LRP2BP: variants seen among roughly 807,000 people sequenced by gnomAD.
LRP2BP encodes LRP2-binding protein.
LRP2BP carries 38 observed loss-of-function variants against 45.2 expected under a neutral mutation model. The ratio of observed to expected loss-of-function variants is 0.84; its 90% CI spans 0.65 to 1.10. LRP2BP has a LOEUF of 1.10. LRP2BP is among the 50% of genes least tolerant of loss of function. The pLI is 0.00. For missense variants in LRP2BP, 385 were observed against 418.9 expected (o/e 0.92, Z 0.71); for synonymous variants, 153 against 153.9 (o/e 0.99, Z 0.04).
intron 8 of LRP2BP, among the ~76,000 whole-genome samples, chr4:185,369,285 C>T (rs2095406306): frequency 8.3e-6 from 1 of 120,286 alleles, no homozygotes; most frequent in Non-Finnish European, 1.6e-5. Flanking sequence ...GTGGTGTGAT[C>T]TCGGCTCACT....
chr4:185,393,652 AG>A (rs2095494177), intron 1 of LRP2BP, among the ~76,000 whole-genome samples: 1 of 151,746 alleles, frequency 6.6e-6, no homozygotes, highest in Non-Finnish European at 1.5e-5. Context: ...CAGCCTCCGG[AG>A]TAACTGGGAT....
At position 185,395,010 on chromosome 4, in the gene LRP2BP, T is replaced by C. The variant is rs143256695; in HGVS notation, c.-253A>G. ...TCCCCCAAATGTACTTATCCTGTTT[T>C]TGTGCATTATAAGCTTTGTTCAGTT... On this transcript the variant is annotated 5_prime_UTR_variant, in exon 1 of 9. Coordinates refer to ENST00000505916, the MANE Select transcript of LRP2BP (RefSeq NM_001377440.1). 93 of 985,488 alleles carry C rather than the reference T, an allele frequency of 9.4e-5. No homozygotes were observed. In the African/African-American group the frequency reaches 1.6e-3, roughly 17 times the overall value. 61.0% of individuals were successfully genotyped at this position (985,488 alleles called of 1,614,324 possible).
Position 185,366,877 on chromosome 4 carries a change from T to G in LRP2BP, c.*303A>C, listed in dbSNP as rs748071461. The G allele has an allele frequency of 9.0e-5, 18 of 200,502 alleles. No homozygotes were observed. The highest frequency in any genetic ancestry group is 1.4e-4 in the Non-Finnish European group (14 of 100,132). 12.4% of individuals were successfully genotyped at this position (200,502 alleles called of 1,614,324 possible). On this transcript the variant is annotated 3_prime_UTR_variant, in exon 9 of 9. Transcript: ENST00000505916. ...AAACTAAGTATTTTTGGAGACTCGGTGTTTAAGAAAGGATAAACGATACTT... is the reference window on the plus strand; with the variant it reads ...AAACTAAGTATTTTTGGAGACTCGGGGTTTAAGAAAGGATAAACGATACTT...
intron 1 of LRP2BP, among the ~76,000 whole-genome samples, chr4:185,388,141 G>T (rs754961776): frequency 1.2e-4 from 19 of 152,138 alleles, no homozygotes; most frequent in Non-Finnish European, 2.6e-4. Flanking sequence ...GGAGTTCCAC[G>T]GCGTGTAAGG....
In LRP2BP at chr4:185,395,056, C is replaced by G; in HGVS notation, c.-299G>C. On this transcript the variant is annotated 5_prime_UTR_variant, in exon 1 of 9. Coordinates refer to ENST00000505916, the MANE Select transcript of LRP2BP (RefSeq NM_001377440.1). ...CAGTTTATAGTTTCTAGGCCCATTA[C>G]TAAAGTCAAGTCAGATATCCAGCTG... The G allele has an allele frequency of 1.0e-6, 1 of 984,582 alleles. No individual in the cohort carries two copies. The highest frequency in any genetic ancestry group is 1.2e-6 in the Non-Finnish European group (1 of 829,806). The allele number at this position is 984,582 out of a possible 1,614,324, so 61.0% of individuals were successfully genotyped here.
At chr4:185,373,440 T>G (rs1221734684) in intron 6 of LRP2BP, among the ~76,000 whole-genome samples, 1 of 152,160 alleles carries the variant, frequency 6.6e-6, no homozygotes, top group Non-Finnish European at 1.5e-5. Flanking sequence ...GGGAAACCAC[T>G]GATGCTAAGG....
At chr4:185,393,335 G>A (rs915525030) in intron 1 of LRP2BP, among the ~76,000 whole-genome samples, 1 of 152,176 alleles carries the variant, frequency 6.6e-6, no homozygotes, top group African/African-American at 2.4e-5. Context: ...GAATGAGTAG[G>A]TATTCTCAAT....
chr4:185,373,567 T>C (rs1389027943), intron 6 of LRP2BP, among the ~76,000 whole-genome samples: 1 of 152,218 alleles, frequency 6.6e-6, no homozygotes, highest in Non-Finnish European at 1.5e-5. Context: ...CTACAGTGAA[T>C]TTGAATTCAT....
chr4:185,375,487 A>AAAAAAAAAAAAATATAT (rs1554018308), intron 4 of LRP2BP, 126 bp downstream of exon 4: 1 of 12,016 alleles, frequency 8.3e-5, no homozygotes, highest in African/African-American at 2.9e-4. Context: ...AAAAAAAAAA[A>AAAAAAAAAAAAATATAT]ATATATATAT....
At chr4:185,374,270 C>T (rs368336232) in intron 5 of LRP2BP, 30 bp from the exon 6 acceptor site, 49 of 1,614,076 alleles carry the variant, frequency 3.0e-5, no homozygotes, top group East Asian at 1.3e-4. Context: ...ATGTTATTCT[C>T]GGTTTCAGCA....
intron 1 of LRP2BP, among the ~76,000 whole-genome samples, chr4:185,391,808 G>A (rs182599558): frequency 1.1e-3 from 171 of 152,280 alleles, no homozygotes; most frequent in Non-Finnish European, 1.7e-3. Flanking sequence ...TTAGAAACCC[G>A]GATCTGGGTA....
rs1561069157 is a variant in LRP2BP at position 185,366,812 on chromosome 4, A to G, written c.*368T>C. ...TTAAACTTTCAAATGATGGTTTTAA[A>G]TAAGTTTGTTTCTACTTCTGAACTT... is the stretch of plus-strand genomic sequence containing the variant. On this transcript the variant is annotated 3_prime_UTR_variant, in exon 9 of 9. Transcript: ENST00000505916. The G allele has an allele frequency of 6.4e-6, 1 of 157,390 alleles. No individual in the cohort carries two copies. Among genetic ancestry groups the G allele is most frequent in the Non-Finnish European group, 1.4e-5 (1 of 71,604 alleles). 9.7% of individuals were successfully genotyped at this position (157,390 alleles called of 1,614,324 possible).
chr4:185,378,303 C>G (rs1378206787), intron 1 of LRP2BP, 96 bp from the exon 2 acceptor site: 2 of 1,503,126 alleles, frequency 1.3e-6, no homozygotes, highest in Admixed American at 2.5e-5. Flanking sequence ...TTAGGAAAAG[C>G]ATCCTTCTCT....
At chr4:185,387,885 A>G (rs1190513857) in intron 1 of LRP2BP, among the ~76,000 whole-genome samples, 2 of 152,122 alleles carry the variant, frequency 1.3e-5, no homozygotes, top group Non-Finnish European at 2.9e-5. Flanking sequence ...TTGGGTTCTG[A>G]GGCAGGGGTG....
chr4:185,372,712 C>T (rs979985866), intron 7 of LRP2BP, 144 bp downstream of exon 7: 16 of 618,460 alleles, frequency 2.6e-5, no homozygotes, highest in Non-Finnish European at 3.6e-5. Flanking sequence ...TCTGCTGTCA[C>T]GTGAGGACAT....
chr4:185,387,220 G>A (rs958170642), intron 1 of LRP2BP, among the ~76,000 whole-genome samples: 16 of 152,200 alleles, frequency 1.1e-4, no homozygotes, highest in African/African-American at 3.1e-4. Context: ...GTGACAGAGC[G>A]AGACTCAGTC....
intron 1 of LRP2BP, among the ~76,000 whole-genome samples, chr4:185,385,180 T>G (rs920597515): frequency 7.2e-5 from 11 of 152,104 alleles, no homozygotes; most frequent in Non-Finnish European, 8.8e-5. Context: ...TTCAAAATCT[T>G]CCCGCCGTTT....
At chr4:185,380,737 G>C (rs1320974300) in intron 1 of LRP2BP, among the ~76,000 whole-genome samples, 4 of 152,144 alleles carry the variant, frequency 2.6e-5, no homozygotes, top group African/African-American at 9.7e-5. Context: ...AACCCACCAT[G>C]CTCTTCAGAG....
chr4:185,371,264 G>A (rs891811328), intron 7 of LRP2BP, among the ~76,000 whole-genome samples: 1 of 152,164 alleles, frequency 6.6e-6, no homozygotes, highest in African/African-American at 2.4e-5. Flanking sequence ...AATTGGCTGG[G>A]CGCGGTGGCT....
Sources: allele counts gnomAD v4.1 joint callset (sites outside exome capture counted in the v4.1 genomes callset), GRCh38; gene constraint gnomAD v4.1.1; transcripts MANE v1.5; gene names NCBI Gene and HGNC (gene_info 2026-07-23, HGNC 2026-07-21).